CAB39: variants seen among roughly 807,000 people sequenced by gnomAD.
The protein encoded by CAB39 is calcium-binding protein 39.
CAB39 carries 8 observed loss-of-function variants against 40.0 expected under a neutral mutation model. That is an observed-to-expected ratio of 0.20 (90% CI 0.12 to 0.36). CAB39 has a LOEUF of 0.36. CAB39 is among the 10% of genes least tolerant of loss of function. The pLI is 1.00. For missense variants in CAB39, 270 were observed against 401.1 expected (o/e 0.67, Z 2.79); for synonymous variants, 156 against 141.6 (o/e 1.10, Z -0.72).
Position 230,760,051 on chromosome 2 carries a change from A to G in CAB39, c.50A>G (p.Lys17Arg), listed in dbSNP as rs758633995. 3 of 1,614,080 alleles carry G rather than the reference A, an allele frequency of 1.9e-6. No homozygotes were observed. Among genetic ancestry groups the G allele is most frequent in the East Asian group, 4.5e-5 (2 of 44,886 alleles). The change falls in exon 2 of 9, where the codon AAG (lysine) becomes AGG (arginine). Residue 17 changes from lysine to arginine, a missense_variant. By Grantham distance (26) the Lys-to-Arg change is conservative. Transcript: ENST00000258418. ...CACAAATCTCCAGCAGACATTGTGA[A>G]GAATCTGAAGGAGAGCATGGCTGTT... ...KSHKSPADIVKNLKESMAVLE... is the reference protein window; with the variant it reads ...KSHKSPADIVRNLKESMAVLE...
intron 1 of CAB39, among the ~76,000 whole-genome samples, chr2:230,747,752 A>G (rs960451904): frequency 6.6e-6 from 1 of 152,256 alleles, no homozygotes; most frequent in African/African-American, 2.4e-5. Context: ...TATGAAATAT[A>G]TAAGTGTATA....
intron 1 of CAB39, among the ~76,000 whole-genome samples, chr2:230,724,967 G>A (rs193156970): frequency 1.6e-4 from 25 of 151,902 alleles, no homozygotes; most frequent in East Asian, 1.4e-3. Context: ...ATGCAAGAGC[G>A]AGAATCCAAA....
rs924642011 is a variant in CAB39 at position 230,732,298 on chromosome 2, G to A, written c.-44+19068G>A. On this transcript the variant is annotated intron_variant, in intron 1 of 8. Transcript: ENST00000258418. ...GGTGTTTCACTGTGTTAGCCAGGAT[G>A]GTCTCAATCTCCTGACCTCGTGATC... Among the ~76,000 whole-genome samples, 6 of 151,936 alleles carry A rather than the reference G, an allele frequency of 3.9e-5. No homozygotes were observed. In the East Asian group the frequency reaches 5.8e-4, roughly 15 times the overall value.
At position 230,772,999 on chromosome 2, in the gene CAB39, A is replaced by C. The variant is rs1014313060; in HGVS notation, c.114+12884A>C. Among the ~76,000 whole-genome samples the C allele has an allele frequency of 8.0e-4, 122 of 152,044 alleles. 1 individual carries two copies. Among genetic ancestry groups the C allele is most frequent in the Non-Finnish European group, 1.3e-3 (85 of 67,968 alleles). ...CTCAGCAATAAAAAAAAAAAAAAAA[A>C]AAAACTATTGCTGTATACAACAGCA... On this transcript the variant is annotated intron_variant, in intron 2 of 8. Coordinates refer to ENST00000258418, the MANE Select transcript of CAB39 (RefSeq NM_016289.4).
intron 1 of CAB39, among the ~76,000 whole-genome samples, chr2:230,735,530 G>C (rs1358273410): frequency 7.0e-6 from 1 of 142,276 alleles, no homozygotes; most frequent in Non-Finnish European, 1.5e-5. Flanking sequence ...GGGGGGATGG[G>C]GGGGACAGAG....
chr2:230,771,453 A>G (rs1216398844), intron 2 of CAB39, among the ~76,000 whole-genome samples: 2 of 152,196 alleles, frequency 1.3e-5, no homozygotes, highest in African/African-American at 4.8e-5. Flanking sequence ...TGTACACTGA[A>G]ACCTGCAAGA....
chr2:230,736,156 T>C (rs1201567352), intron 1 of CAB39, among the ~76,000 whole-genome samples: 12 of 152,208 alleles, frequency 7.9e-5, no homozygotes, highest in Admixed American at 7.9e-4. Flanking sequence ...TCTGTTTGAC[T>C]TAATGTAGTA....
chr2:230,721,831 C>T (rs1347194617), intron 1 of CAB39, among the ~76,000 whole-genome samples: 1 of 152,152 alleles, frequency 6.6e-6, no homozygotes, highest in East Asian at 1.9e-4. Flanking sequence ...CATTATATTT[C>T]CTTCCTTCAA....
rs1438357427 is a variant in CAB39 at position 230,748,832 on chromosome 2, ATAT to A, written c.-43-11126_-43-11124del. Among the ~76,000 whole-genome samples, 121 of 21,692 alleles carry A rather than the reference ATAT, an allele frequency of 5.6e-3. 1 individual carries two copies. Among genetic ancestry groups the A allele is most frequent in the African/African-American group, 0.012 (64 of 5,442 alleles). 14.2% of individuals were successfully genotyped at this position (21,692 alleles called of 152,430 possible). ...CAAAAAGAAAAAAAAAAAAAAAAAA[ATAT>A]ATATATATATATATATATATATATA... On this transcript the variant is annotated intron_variant, in intron 1 of 8. Coordinates refer to ENST00000258418, the MANE Select transcript of CAB39 (RefSeq NM_016289.4).
intron 1 of CAB39, among the ~76,000 whole-genome samples, chr2:230,731,734 A>G (rs1387579623): frequency 6.6e-6 from 1 of 152,134 alleles, no homozygotes; most frequent in Admixed American, 6.5e-5. Context: ...GGCCTTAGGC[A>G]ATTCTCCTGC....
intron 4 of CAB39, among the ~76,000 whole-genome samples, chr2:230,796,318 T>A (rs1377018172): frequency 6.6e-6 from 1 of 152,240 alleles, no homozygotes; most frequent in Non-Finnish European, 1.5e-5. Flanking sequence ...TGAAGTCGTA[T>A]TGCTAGTGTT....
At chr2:230,816,853 T>A (rs1164238902) in intron 7 of CAB39, among the ~76,000 whole-genome samples, 1 of 151,728 alleles carries the variant, frequency 6.6e-6, no homozygotes, top group East Asian at 1.9e-4. Flanking sequence ...TCACAAGAAG[T>A]AGGGAGCCAG....
intron 6 of CAB39, among the ~76,000 whole-genome samples, chr2:230,813,658 T>C (rs915088504): frequency 6.6e-6 from 1 of 152,176 alleles, no homozygotes; most frequent in Non-Finnish European, 1.5e-5. Context: ...TACGAGTTTT[T>C]CAATCTAACA....
chr2:230,799,991 C>CA (rs60654900), intron 5 of CAB39, among the ~76,000 whole-genome samples: 1,386 of 133,558 alleles, frequency 0.01, 8 homozygotes, highest in African/African-American at 0.02. Context: ...AACTCCATCT[C>CA]AAAAAAAAAA....
chr2:230,811,022 C>G (rs1389485292), intron 6 of CAB39, among the ~76,000 whole-genome samples: 1 of 152,184 alleles, frequency 6.6e-6, no homozygotes, highest in Non-Finnish European at 1.5e-5. Context: ...CTGCCAGCCT[C>G]AGGAGGATCT....
chr2:230,755,099 T>C (rs919577002), intron 1 of CAB39, among the ~76,000 whole-genome samples: 15 of 152,128 alleles, frequency 9.9e-5, no homozygotes, highest in Non-Finnish European at 1.9e-4. Context: ...CTTTATCCAC[T>C]CGTTGATTGA....
intron 6 of CAB39, among the ~76,000 whole-genome samples, chr2:230,812,652 C>G (rs1195579550): frequency 6.6e-6 from 1 of 152,214 alleles, no homozygotes; most frequent in African/African-American, 2.4e-5. Context: ...ACAGCTTTTT[C>G]TGAAAAGAGA....
chr2:230,752,743 A>G (rs1218389544), intron 1 of CAB39, among the ~76,000 whole-genome samples: 1 of 152,242 alleles, frequency 6.6e-6, no homozygotes, highest in African/African-American at 2.4e-5. Flanking sequence ...TCTACCCTTA[A>G]TGTCTGTAAA....
chr2:230,757,478 A>G (rs1033279524), intron 1 of CAB39, among the ~76,000 whole-genome samples: 4 of 152,120 alleles, frequency 2.6e-5, no homozygotes, highest in African/African-American at 4.8e-5. Context: ...AACAGAAATG[A>G]TTATGTCATG....
Sources: allele counts gnomAD v4.1 joint callset (sites outside exome capture counted in the v4.1 genomes callset), GRCh38; gene constraint gnomAD v4.1.1; transcripts MANE v1.5; gene names NCBI Gene and HGNC (gene_info 2026-07-23, HGNC 2026-07-21).